Variants in C1GALT1 observed in about 807,000 individuals in gnomAD.
C1GALT1 encodes glycoprotein-N-acetylgalactosamine 3-beta-galactosyltransferase 1.
A neutral mutation model predicts 31.0 loss-of-function variants in C1GALT1; 11 were observed. The ratio of observed to expected loss-of-function variants is 0.36; its 90% CI spans 0.22 to 0.59. The LOEUF (loss-of-function observed/expected upper bound fraction) is 0.59. Ranked by LOEUF, C1GALT1 falls within the 20% of genes least tolerant of loss-of-function variation. C1GALT1 has a pLI of 0.79. For missense variants in C1GALT1, 424 were observed against 425.2 expected, an observed-to-expected ratio of 1.00 and a Z score of 0.03; for synonymous variants, 175 against 143.6, an observed-to-expected ratio of 1.22 and a Z score of -1.56.
chr7:7,199,075 C>G (rs1249831569), intron 1 of C1GALT1, among the ~76,000 whole-genome samples: 1 of 152,150 alleles, frequency 6.6e-6, no homozygotes, highest in East Asian at 1.9e-4. Flanking sequence ...TTGCCTTCTG[C>G]TAGCTTCTGA....
chr7:7,168,791 C>A (rs1043666007), intron 2 of C1GALT1, among the ~76,000 whole-genome samples: 2 of 152,182 alleles, frequency 1.3e-5, no homozygotes, highest in African/African-American at 4.8e-5. Context: ...GCCTTTTCTG[C>A]CAACATTATT....
chr7:7,201,448 G>A, intron 1 of C1GALT1, among the ~76,000 whole-genome samples: 1 of 152,190 alleles, frequency 6.6e-6, no homozygotes, highest in Admixed American at 6.5e-5. Context: ...CTACTGGGAG[G>A]TCAGGGCCCC....
At chr7:7,197,820 C>G (rs1254710069) in intron 1 of C1GALT1, among the ~76,000 whole-genome samples, 1 of 152,154 alleles carries the variant, frequency 6.6e-6, no homozygotes, top group Non-Finnish European at 1.5e-5. Flanking sequence ...AATGGGAGTT[C>G]ACTCATGATT....
chr7:7,166,144 G>A (rs1298936910), intron 2 of C1GALT1, among the ~76,000 whole-genome samples: 1 of 152,086 alleles, frequency 6.6e-6, no homozygotes, highest in African/African-American at 2.4e-5. Flanking sequence ...TTTATCATGA[G>A]AAAAACCAAG....
At chr7:7,184,743 A>G (rs1291851180) in intron 1 of C1GALT1, among the ~76,000 whole-genome samples, 2 of 152,268 alleles carry the variant, frequency 1.3e-5, no homozygotes, top group African/African-American at 4.8e-5. Flanking sequence ...CTGAAATTAA[A>G]TTCAGATAGG....
At chr7:7,202,785 C>A (rs952406166) in intron 1 of C1GALT1, among the ~76,000 whole-genome samples, 2 of 152,122 alleles carry the variant, frequency 1.3e-5, no homozygotes, top group African/African-American at 4.8e-5. Flanking sequence ...TCAGTAGGAA[C>A]TGCATTGAAT....
At chr7:7,166,226 G>A (rs924258438) in intron 2 of C1GALT1, among the ~76,000 whole-genome samples, 5 of 152,242 alleles carry the variant, frequency 3.3e-5, no homozygotes, top group Non-Finnish European at 5.9e-5. Flanking sequence ...GTGTAGCACA[G>A]GTTTAGGGTG....
At position 7,234,528 on chromosome 7, in the gene C1GALT1, G is replaced by A. The variant is rs549012527; in HGVS notation, c.209G>A (p.Ser70Asn). The A allele has an allele frequency of 2.5e-6, 4 of 1,608,458 alleles. No homozygotes were observed. The African/African-American group carries it at 4.0e-5, about 16-fold the overall frequency. Residue 70 changes from serine (S) to asparagine (N), a missense_variant, in exon 2 of 4, where the codon AGC becomes AAC. Around this residue, in one of 3 missense-constraint regions of C1GALT1, gnomAD observed 189 missense variants for 158.2 expected, o/e 1.19. Coordinates refer to ENST00000436587, the MANE Select transcript of C1GALT1 (RefSeq NM_020156.5). ...EGQMNFNADS[S>N]QHKDENTDIA... ...CAAATGAACTTCAATGCAGATTCTA[G>A]CCAACATAAAGGTATGGTTTACTTT... is the stretch of plus-strand genomic sequence containing the variant.
At chr7:7,232,913 C>T (rs1783155428) in intron 1 of C1GALT1, among the ~76,000 whole-genome samples, 1 of 152,128 alleles carries the variant, frequency 6.6e-6, no homozygotes, top group African/African-American at 2.4e-5. Flanking sequence ...TCCTCATCTG[C>T]AGACGGGTTT....
chr7:7,177,448 A>G (rs941285561), intron 2 of C1GALT1, among the ~76,000 whole-genome samples: 2 of 152,192 alleles, frequency 1.3e-5, no homozygotes, highest in Admixed American at 6.5e-5. Context: ...CCGGTTATAT[A>G]TATGTTTGTT....
At chr7:7,229,587 G>A (rs1782970158) in intron 1 of C1GALT1, among the ~76,000 whole-genome samples, 1 of 152,124 alleles carries the variant, frequency 6.6e-6, no homozygotes, top group African/African-American at 2.4e-5. Context: ...CTGGCTGTTT[G>A]AATGAAATTT....
chr7:7,178,188 A>T (rs1780525731), upstream of C1GALT1: 1 of 222,152 alleles, frequency 4.5e-6, no homozygotes, highest in African/African-American at 2.3e-5. Context: ...CTTTGGATAG[A>T]TTACATCAAA....
chr7:7,230,692 T>A (rs551143678), intron 1 of C1GALT1, among the ~76,000 whole-genome samples: 5 of 151,782 alleles, frequency 3.3e-5, no homozygotes, highest in African/African-American at 1.2e-4. Flanking sequence ...GTATTTGAAT[T>A]TAATTATATT....
At chr7:7,200,340 C>G (rs565999671) in intron 1 of C1GALT1, among the ~76,000 whole-genome samples, 70 of 152,286 alleles carry the variant, frequency 4.6e-4, no homozygotes, top group Non-Finnish European at 8.7e-4. Flanking sequence ...GTTAGAAATT[C>G]TTTTCTTTAA....
chr7:7,173,116 G>A (rs1780471851), intron 2 of C1GALT1, among the ~76,000 whole-genome samples: 1 of 152,090 alleles, frequency 6.6e-6, no homozygotes, highest in Admixed American at 6.5e-5. Context: ...CCCAATGTTG[G>A]AGGTGGGACC....
chr7:7,231,452 A>G (rs1783068328), intron 1 of C1GALT1, among the ~76,000 whole-genome samples: 1 of 152,296 alleles, frequency 6.6e-6, no homozygotes, highest in Non-Finnish European at 1.5e-5. Context: ...TAACACTTAC[A>G]TTAGACCCTT....
intron 1 of C1GALT1, among the ~76,000 whole-genome samples, chr7:7,187,037 A>AG (rs1780845465): frequency 2.0e-5 from 3 of 152,188 alleles, no homozygotes; most frequent in Admixed American, 1.3e-4. Flanking sequence ...GGCTAAAGGA[A>AG]GGGGAAAGTT....
intron 2 of C1GALT1, among the ~76,000 whole-genome samples, chr7:7,163,479 G>A (rs1419488787): frequency 1.3e-5 from 2 of 152,158 alleles, no homozygotes; most frequent in Non-Finnish European, 2.9e-5. Flanking sequence ...AATTAGGCAG[G>A]AGAAGGAAAT....
chr7:7,198,883 C>G (rs962074987), intron 1 of C1GALT1, among the ~76,000 whole-genome samples: 3 of 151,998 alleles, frequency 2.0e-5, no homozygotes, highest in Non-Finnish European at 4.4e-5. Flanking sequence ...TGGTGATATG[C>G]CCTTTATCAT....
Sources: allele counts gnomAD v4.1 joint callset (sites outside exome capture counted in the v4.1 genomes callset), GRCh38; gene constraint gnomAD v4.1.1; regional missense constraint gnomAD v4.1.1; transcripts MANE v1.5; gene names NCBI Gene and HGNC (gene_info 2026-07-23, HGNC 2026-07-21).